Variants in DLC1 observed in about 807,000 individuals in gnomAD.
The protein encoded by DLC1 is rho GTPase-activating protein 7.
In DLC1, 54 loss-of-function variants were observed where a neutral mutation model predicts 140.3. The observed-to-expected ratio is 0.38, with a 90% confidence interval of 0.31 to 0.48. The LOEUF is 0.48. DLC1 is among the 20% of genes least tolerant of loss of function. The probability of loss-of-function intolerance (pLI) is 0.96; values close to 1 mark genes in which losing one functional copy is unlikely to be tolerated. For synonymous variants in DLC1, 986 were observed against 728.1 expected, an observed-to-expected ratio of 1.35 and a Z score of -5.70; for missense variants, 2,536 against 1,907.0, an observed-to-expected ratio of 1.33 and a Z score of -6.14.
Position 13,468,811 on chromosome 8 carries a change from CTTTTTTTTTTTTTT to C in DLC1, c.1023+30224_1023+30237del, listed in dbSNP as rs78775803. ...GTTGATTCTCCCAATTTTATGTCTGCTTTTTTTTTTTTTTTTTTTTTTTTTTTTAAGATGGAGTC... is the reference window on the plus strand; with the variant it reads ...GTTGATTCTCCCAATTTTATGTCTGCTTTTTTTTTTTTTTAAGATGGAGTC... On this transcript the variant is annotated intron_variant, in intron 2 of 17. Coordinates refer to ENST00000276297, the MANE Select transcript of DLC1 (RefSeq NM_182643.3). 1.1e-3 allele frequency among the ~76,000 whole-genome samples: 99 copies of C among 89,958 alleles called. 2 individuals carry two copies. The highest frequency in any genetic ancestry group is 1.8e-3 in the South Asian group (4 of 2,262). 59.0% of individuals were successfully genotyped at this position (89,958 alleles called of 152,430 possible). A position where few individuals can be genotyped will look rare whatever the true frequency, so the allele number is the denominator to read the frequency against.
At chr8:13,424,584 T>C (rs1838471302) in intron 2 of DLC1, among the ~76,000 whole-genome samples, 1 of 152,156 alleles carries the variant, frequency 6.6e-6, no homozygotes, top group Non-Finnish European at 1.5e-5. Flanking sequence ...AATTTTTTTT[T>C]CTTTCTGAGA....
chr8:13,602,105 T>G (rs181983280), intron 1 of DLC1, among the ~76,000 whole-genome samples: 33 of 151,904 alleles, frequency 2.2e-4, no homozygotes, highest in Non-Finnish European at 4.6e-4. Flanking sequence ...TTCTCTAGCC[T>G]CAAATAGCAG....
intron 2 of DLC1, among the ~76,000 whole-genome samples, chr8:13,477,112 C>G (rs1800466036): frequency 6.6e-6 from 1 of 152,108 alleles, no homozygotes; most frequent in African/African-American, 2.4e-5. Context: ...TATTCCATGT[C>G]AGTTACTGAA....
intron 2 of DLC1, among the ~76,000 whole-genome samples, chr8:13,494,984 A>G (rs956415053): frequency 6.6e-6 from 1 of 152,124 alleles, no homozygotes; most frequent in Non-Finnish European, 1.5e-5. Context: ...AACCTGAGGG[A>G]TAAACTAAGA....
At chr8:13,137,598 G>GTT (rs1822666295) in intron 5 of DLC1, among the ~76,000 whole-genome samples, 1 of 114,954 alleles carries the variant, frequency 8.7e-6, no homozygotes. Flanking sequence ...TCAGTTTTTG[G>GTT]TTTTGTTTTT....
intron 4 of DLC1, among the ~76,000 whole-genome samples, chr8:13,361,300 G>A (rs1288677823): frequency 6.6e-6 from 1 of 151,882 alleles, no homozygotes; most frequent in Non-Finnish European, 1.5e-5. Flanking sequence ...GCAGGCTGGA[G>A]TGAAATGGTG....
chr8:13,406,401 A>G (rs1241863649), intron 2 of DLC1, among the ~76,000 whole-genome samples: 1 of 152,074 alleles, frequency 6.6e-6, no homozygotes, highest in Non-Finnish European at 1.5e-5. Flanking sequence ...TTTCAGAGGA[A>G]GCAACCTATT....
intron 2 of DLC1, among the ~76,000 whole-genome samples, chr8:13,490,156 C>T (rs1055686046): frequency 6.6e-6 from 1 of 152,064 alleles, no homozygotes; most frequent in Non-Finnish European, 1.5e-5. Context: ...AATAATGATG[C>T]TATTTCAATA....
chr8:13,450,365 G>C (rs1798983416), intron 2 of DLC1, among the ~76,000 whole-genome samples: 2 of 141,126 alleles, frequency 1.4e-5, no homozygotes, highest in Non-Finnish European at 3.0e-5. Flanking sequence ...TGAGGCACGA[G>C]AATCACTTGA....
In DLC1 at chr8:13,099,685, G is replaced by A. The variant is rs1585612757; in HGVS notation, c.2652C>T (p.Gly884=). 3.7e-6 allele frequency: 6 copies of A among 1,614,068 alleles called. No homozygotes were observed. Among genetic ancestry groups the A allele is most frequent in the Non-Finnish European group, 5.1e-6 (6 of 1,180,038 alleles). The change falls in exon 9 of 18, where the codon GGC becomes GGT. Residue 884 remains glycine, a synonymous_variant. Transcript: ENST00000276297. ...CCCCTGAACTGGAGTAGAGGATGGA[G>A]CCCGGCACGTTGTCGTAGATGCTCA... The part of the protein sequence containing the change: ...SRLSIYDNVP[G]SILYSSSGDL...
intron 5 of DLC1, among the ~76,000 whole-genome samples, chr8:13,121,972 T>C (rs958770169): frequency 5.3e-5 from 8 of 152,194 alleles, no homozygotes; most frequent in Admixed American, 3.3e-4. Context: ...CAGCCAGGAT[T>C]GAGGACCACT....
At chr8:13,510,822 T>C (rs1802324748) in intron 1 of DLC1, among the ~76,000 whole-genome samples, 1 of 152,154 alleles carries the variant, frequency 6.6e-6, no homozygotes, top group Admixed American at 6.6e-5. Flanking sequence ...CTAATGAGAG[T>C]GTTGTTAACC....
rs869066313 is a variant in DLC1, at chr8:13,586,624, CA to C, written c.-126+17912del. On this transcript the variant is annotated intron_variant, in intron 1 of 1. Coordinates refer to the DLC1 transcript ENST00000631382. The stretch of plus-strand genomic sequence containing the variant: ...ACACACACACACACACACACACACA[CA>C]CCTGCATGTAAAATGAAACATGTAA... Among the ~76,000 whole-genome samples the C allele has an allele frequency of 3.4e-3, 472 of 137,118 alleles. 7 individuals are homozygous for C. Among genetic ancestry groups the C allele is most frequent in the Admixed American group, 0.03 (353 of 11,654 alleles). 90.0% of individuals were successfully genotyped at this position (137,118 alleles called of 152,430 possible). A position where few individuals can be genotyped will look rare whatever the true frequency, so the allele number is the denominator to read the frequency against.
chr8:13,572,757 TCTTAGCACC>T (rs1457324458), intron 1 of DLC1, among the ~76,000 whole-genome samples: 1 of 152,174 alleles, frequency 6.6e-6, no homozygotes, highest in African/African-American at 2.4e-5. Context: ...CATTGAATGG[TCTTAGCACC>T]CTTGTGAAAA....
chr8:13,535,449 T>C (rs1803244775), intron 1 of DLC1, among the ~76,000 whole-genome samples: 1 of 152,066 alleles, frequency 6.6e-6, no homozygotes, highest in Admixed American at 6.6e-5. Flanking sequence ...CTCTACCTTG[T>C]TTACTGTAAT....
intron 5 of DLC1, among the ~76,000 whole-genome samples, chr8:13,219,663 C>G (rs2117149479): frequency 6.6e-6 from 1 of 151,838 alleles, no homozygotes; most frequent in African/African-American, 2.4e-5. Context: ...ATATCTATAT[C>G]TATATCTCCA....
chr8:13,424,020 A>C (rs192210034), intron 2 of DLC1, among the ~76,000 whole-genome samples: 2 of 152,316 alleles, frequency 1.3e-5, no homozygotes. Flanking sequence ...ATAGAAAGTA[A>C]ATTAAACAAT....
chr8:13,099,742 T>G lies in DLC1; in HGVS notation c.2595A>C (p.Arg865Ser), dbSNP rs370657152. ...NSSDSPKELK[R>S]RNSSSSMSSR... is the part of the protein sequence containing the mutation. ...TGCTCATGGAGCTGGAAGAATTGCG[T>G]CTCTTCAGTTCCTTGGGGCTGTCGC... Residue 865 changes from arginine to serine, a missense_variant, in exon 9 of 18, where the codon AGA becomes AGC. By Grantham distance (110) the Arg-to-Ser change is moderately radical (BLOSUM62 -1). Coordinates refer to ENST00000276297, the MANE Select transcript of DLC1 (RefSeq NM_182643.3). The G allele has an allele frequency of 8.1e-6, 13 of 1,614,086 alleles. No individual in the cohort carries two copies. Among genetic ancestry groups the G allele is most frequent in the Non-Finnish European group, 1.1e-5 (13 of 1,180,020 alleles).
chr8:13,386,886 T>C (rs1469570332), intron 4 of DLC1, among the ~76,000 whole-genome samples: 2 of 152,054 alleles, frequency 1.3e-5, no homozygotes, highest in Non-Finnish European at 2.9e-5. Context: ...AATGAGGATC[T>C]TACCAACAGA....
Sources: allele counts gnomAD v4.1 joint callset (sites outside exome capture counted in the v4.1 genomes callset), GRCh38; gene constraint gnomAD v4.1.1; transcripts MANE v1.5; gene names NCBI Gene and HGNC (gene_info 2026-07-23, HGNC 2026-07-21).